The following ARIH1 variants were observed in gnomAD, a reference collection of about 807,000 sequenced individuals.
ARIH1 encodes the protein ariadne RBR E3 ubiquitin protein ligase 1, also known as E3 ubiquitin-protein ligase ARIH1.
Under a neutral mutation model 85.0 loss-of-function variants are expected in ARIH1, and 8 were observed. That is an observed-to-expected ratio of 0.09 (90% confidence interval 0.06 to 0.17). The LOEUF is 0.17. ARIH1 is among the 10% of genes least tolerant of loss of function. ARIH1 has a pLI of 1.00. For missense variants in ARIH1, 311 were observed against 718.1 expected (o/e 0.43, Z 6.48); for synonymous variants, 238 against 253.6 (o/e 0.94, Z 0.59).
chr15:72,519,475 G>T lies in ARIH1; in HGVS notation c.443+1341G>T, dbSNP rs1256762859. ...TATGCATTCTGACCATGTTTTTTTT[G>T]TTTTTTTTTTTTTTTTTTTTTTTTT... On this transcript the variant is annotated intron_variant, in intron 2 of 13. Coordinates refer to ENST00000379887, the MANE Select transcript of ARIH1 (RefSeq NM_005744.5). Among the ~76,000 whole-genome samples the T allele has an allele frequency of 2.1e-3, 130 of 62,572 alleles. 1 individual carries two copies. The highest frequency in any genetic ancestry group is 5.0e-3 in the African/African-American group (77 of 15,402). 41.0% of individuals were successfully genotyped at this position (62,572 alleles called of 152,430 possible).
chr15:72,571,925 C>T (rs1013374703), intron 10 of ARIH1, among the ~76,000 whole-genome samples, 183 bp from the exon 11 acceptor site: 3 of 152,176 alleles, frequency 2.0e-5, no homozygotes, highest in Non-Finnish European at 4.4e-5. Flanking sequence ...CAGTTCCTTT[C>T]AGCCTGCTAA....
rs991474993 is a variant in ARIH1, at chr15:72,589,108, T to C, written c.*5816T>C. The C allele has an allele frequency of 6.6e-6, 1 of 152,224 alleles. No individual in the cohort carries two copies. Among genetic ancestry groups the C allele is most frequent in the Non-Finnish European group, 1.5e-5 (1 of 68,036 alleles). 9.4% of individuals were successfully genotyped at this position (152,224 alleles called of 1,614,324 possible). On this transcript the variant is annotated 3_prime_UTR_variant, in exon 14 of 14. Transcript: ENST00000379887. ...ATAGGAACTGTAATTTGTTGAGTGC[T>C]TTTTGCCAGATGCCTTACTTTTGTC... is the stretch of plus-strand genomic sequence containing the variant.
intron 11 of ARIH1, among the ~76,000 whole-genome samples, chr15:72,578,021 C>G (rs2064279304): frequency 6.6e-6 from 1 of 152,156 alleles, no homozygotes; most frequent in African/African-American, 2.4e-5. Context: ...TGTCTAATGT[C>G]AATTTATTTT....
rs2063794258 is a variant in ARIH1 at position 72,476,185 on chromosome 15, A to G, written c.375+1171A>G. 2.0e-5 allele frequency among the ~76,000 whole-genome samples: 3 copies of G among 152,296 alleles called. No individual in the cohort carries two copies. In the South Asian group the frequency reaches 6.2e-4, roughly 32 times the overall value. On this transcript the variant is annotated intron_variant, in intron 1 of 13. Transcript: ENST00000379887. The stretch of plus-strand genomic sequence containing the variant: ...CTCGTTGACTTTCTATTATTAACTG[A>G]TTTTTATAGTATTATAAGTAACAGT...
chr15:72,520,215 G>A (rs1353050518), intron 2 of ARIH1, among the ~76,000 whole-genome samples: 2 of 152,142 alleles, frequency 1.3e-5, no homozygotes, highest in African/African-American at 4.8e-5. Context: ...TGTAGTTTCT[G>A]TAGAGAAGCT....
intron 2 of ARIH1, among the ~76,000 whole-genome samples, chr15:72,535,718 A>C (rs1440225749): frequency 5.3e-5 from 8 of 152,178 alleles, no homozygotes; most frequent in Admixed American, 5.2e-4. Flanking sequence ...AGTGTGTTTT[A>C]TTTTCTAGAT....
chr15:72,530,549 G>A (rs551513053), intron 2 of ARIH1, among the ~76,000 whole-genome samples: 5 of 152,266 alleles, frequency 3.3e-5, no homozygotes, highest in South Asian at 4.1e-4. Flanking sequence ...AGAAACAAAC[G>A]TAAATCTTCT....
chr15:72,508,266 G>C, intron 1 of ARIH1, among the ~76,000 whole-genome samples: 1 of 152,272 alleles, frequency 6.6e-6, no homozygotes, highest in Admixed American at 6.5e-5. Flanking sequence ...CTAGTTTTCT[G>C]ATTATAGTGA....
At chr15:72,581,396 C>A in intron 12 of ARIH1, 1 of 165,666 alleles carries the variant, frequency 6.0e-6, no homozygotes, top group Non-Finnish European at 1.3e-5. Context: ...TATACGGCAC[C>A]TGGAACATCA....
chr15:72,581,680 CCATA>C (rs1304100716), intron 12 of ARIH1: 1 of 167,124 alleles, frequency 6.0e-6, no homozygotes, highest in Admixed American at 5.6e-5. Context: ...TTTGAATCTT[CCATA>C]CAGTGTTTTC....
At chr15:72,568,378 TTA>T (rs2064230049) in intron 9 of ARIH1, among the ~76,000 whole-genome samples, 1 of 152,218 alleles carries the variant, frequency 6.6e-6, no homozygotes, top group South Asian at 2.1e-4. Flanking sequence ...AATAAGGCAA[TTA>T]TATTTTCACT....
intron 1 of ARIH1, among the ~76,000 whole-genome samples, chr15:72,515,237 T>C (rs1298232888): frequency 1.3e-5 from 2 of 151,960 alleles, no homozygotes; most frequent in Non-Finnish European, 2.9e-5. Flanking sequence ...CTTGGGAGGC[T>C]GAGGCAGGAG....
At chr15:72,538,890 T>G (rs185059684) in intron 2 of ARIH1, among the ~76,000 whole-genome samples, 7 of 152,352 alleles carry the variant, frequency 4.6e-5, no homozygotes, top group Admixed American at 6.5e-5. Context: ...ATTGTCTATA[T>G]GAAAATCTTA....
chr15:72,482,250 A>G (rs2063819437), intron 1 of ARIH1, among the ~76,000 whole-genome samples: 1 of 152,202 alleles, frequency 6.6e-6, no homozygotes, highest in African/African-American at 2.4e-5. Context: ...TTTCTAATTT[A>G]TTAGTATGCT....
intron 2 of ARIH1, among the ~76,000 whole-genome samples, chr15:72,522,193 AG>A: frequency 6.6e-6 from 1 of 152,286 alleles, no homozygotes; most frequent in East Asian, 1.9e-4. Flanking sequence ...TACAGTCTTA[AG>A]GGTTTTTATT....
At chr15:72,516,494 C>T (rs996603261) in intron 1 of ARIH1, among the ~76,000 whole-genome samples, 1 of 152,168 alleles carries the variant, frequency 6.6e-6, no homozygotes, top group African/African-American at 2.4e-5. Context: ...TCTGTTTTCT[C>T]TACAAATAAA....
chr15:72,550,590 A>G (rs753194239), intron 3 of ARIH1, among the ~76,000 whole-genome samples: 54 of 152,212 alleles, frequency 3.5e-4, no homozygotes, highest in Non-Finnish European at 7.1e-4. Context: ...GGGAGTAATG[A>G]TAATAGATTC....
Position 72,589,625 on chromosome 15 carries a change from G to A in ARIH1, c.*6333G>A, listed in dbSNP as rs1034648079. ...GGGGCAGGATCATCAATACAAACAT[G>A]GGTGTTGAGAGCTTAACTTAATCGG... On this transcript the variant is annotated 3_prime_UTR_variant, in exon 14 of 14. Transcript: ENST00000379887. The A allele has an allele frequency of 2.0e-5, 3 of 152,152 alleles. No homozygotes were observed. The highest frequency in any genetic ancestry group is 4.4e-5 in the Non-Finnish European group (3 of 68,036). 9.4% of individuals were successfully genotyped at this position (152,152 alleles called of 1,614,324 possible). A position where few individuals can be genotyped will look rare whatever the true frequency, so the allele number is the denominator to read the frequency against.
chr15:72,558,498 C>T (rs148500404), intron 5 of ARIH1, among the ~76,000 whole-genome samples: 7,441 of 152,246 alleles, frequency 0.049, 249 homozygotes, highest in African/African-American at 0.097. Flanking sequence ...GACAGAGTTT[C>T]GTCATGTTGG....
Sources: gnomAD v4.1 joint callset for allele counts (sites outside exome capture counted in the v4.1 genomes callset) on GRCh38, gnomAD v4.1.1 for gene constraint, MANE v1.5 for transcripts, NCBI Gene and HGNC (gene_info 2026-07-23, HGNC 2026-07-21) for gene names.